LMX1A: variants seen among roughly 807,000 people sequenced by gnomAD.
LMX1A encodes the protein LIM homeobox transcription factor 1 alpha.
LMX1A carries 15 observed loss-of-function variants against 49.1 expected under a neutral mutation model. That is an observed-to-expected ratio of 0.31 (90% CI 0.20 to 0.47). LMX1A has a LOEUF of 0.47. Ranked by LOEUF, LMX1A falls within the 20% of genes least tolerant of loss-of-function variation. The pLI is 1.00. For missense variants in LMX1A, 372 were observed against 475.8 expected, an observed-to-expected ratio of 0.78 and a Z score of 2.03; for synonymous variants, 167 against 185.7, an observed-to-expected ratio of 0.90 and a Z score of 0.82.
chr1:165,251,334 C>T (rs1255551188), intron 3 of LMX1A, among the ~76,000 whole-genome samples: 1 of 152,168 alleles, frequency 6.6e-6, no homozygotes, highest in African/African-American at 2.4e-5. Context: ...CCTCCCACCT[C>T]GGCCTCCCAA....
chr1:165,317,301 G>A (rs1019439045), intron 3 of LMX1A, among the ~76,000 whole-genome samples: 1 of 152,148 alleles, frequency 6.6e-6, no homozygotes, highest in Non-Finnish European at 1.5e-5. Flanking sequence ...TTCCAACTAT[G>A]GGATACATGG....
chr1:165,240,139 A>G (rs991095031), intron 4 of LMX1A, among the ~76,000 whole-genome samples: 1 of 152,246 alleles, frequency 6.6e-6, no homozygotes, highest in African/African-American at 2.4e-5. Flanking sequence ...GTTGAAACTT[A>G]TATACACACC....
intron 3 of LMX1A, among the ~76,000 whole-genome samples, chr1:165,252,247 C>G (rs1325056789): frequency 1.3e-5 from 2 of 152,190 alleles, no homozygotes; most frequent in Non-Finnish European, 2.9e-5. Flanking sequence ...TTTGTTCACC[C>G]TCTTTCTGAA....
chr1:165,282,358 A>C (rs1008569988), intron 3 of LMX1A, among the ~76,000 whole-genome samples: 3 of 152,166 alleles, frequency 2.0e-5, no homozygotes, highest in Non-Finnish European at 2.9e-5. Flanking sequence ...CTCTGATATA[A>C]AATGTAGTAT....
At chr1:165,319,019 ACACACACACACACACACACACACC>A (rs1450278986) in intron 3 of LMX1A, among the ~76,000 whole-genome samples, 3 of 135,372 alleles carry the variant, frequency 2.2e-5, no homozygotes, top group Admixed American at 7.2e-5. Flanking sequence ...ACACACACAC[ACACACACACACACACACACACACC>A]CCAACTTCTT....
intron 3 of LMX1A, among the ~76,000 whole-genome samples, chr1:165,319,065 G>C (rs1290127755): frequency 4.0e-5 from 6 of 148,818 alleles, no homozygotes; most frequent in African/African-American, 1.5e-4. Context: ...GTAGGAACTA[G>C]ACATTCCTTA....
intron 4 of LMX1A, among the ~76,000 whole-genome samples, chr1:165,222,617 C>A (rs1651889738): frequency 6.6e-6 from 1 of 152,210 alleles, no homozygotes; most frequent in Non-Finnish European, 1.5e-5. Flanking sequence ...GGTAAGTTGA[C>A]TAACACTCAA....
Position 165,305,181 on chromosome 1 carries a change from G to A in LMX1A, c.263+47895C>T, listed in dbSNP as rs114084114. 6.1e-3 allele frequency among the ~76,000 whole-genome samples: 934 copies of A among 152,278 alleles called. 9 individuals are homozygous for A. The highest frequency in any genetic ancestry group is 0.021 in the African/African-American group (888 of 41,546). ...ACACAGAAAGGAAGGTGAGAGACAT[G>A]TGCAGTTGGACTAGTCAACAGGTAG... is the stretch of plus-strand genomic sequence containing the variant. On this transcript the variant is annotated intron_variant, in intron 3 of 8. Coordinates refer to ENST00000342310, the MANE Select transcript of LMX1A (RefSeq NM_177398.4).
intron 3 of LMX1A, among the ~76,000 whole-genome samples, chr1:165,268,224 C>T (rs1557868589): frequency 6.6e-6 from 1 of 152,182 alleles, no homozygotes; most frequent in Non-Finnish European, 1.5e-5. Flanking sequence ...AAAGTCTGGA[C>T]CACTCTGGAT....
In LMX1A at chr1:165,355,491, CGAG is replaced by C. The variant is rs774289000; in HGVS notation, c.66_68del (p.Ser23del). The stretch of plus-strand genomic sequence containing the variant: ...CACGGCCTGAACACTCACCCAGCAG[CGAG>C]GAGAAGGAGGCCGAGGTGTCGATCG... On this transcript the variant is annotated inframe_deletion, in exon 2 of 9. Transcript: ENST00000342310. This position sits in a 1 kb window ranked among gnomAD's most constrained non-coding sequence, Gnocchi z 4.7. 5.6e-6 allele frequency: 9 copies of C among 1,613,812 alleles called. No individual in the cohort carries two copies. Among genetic ancestry groups the C allele is most frequent in the Admixed American group, 5.0e-5 (3 of 59,976 alleles).
intron 8 of LMX1A, among the ~76,000 whole-genome samples, chr1:165,204,787 C>CA (rs556966760): frequency 5.7e-4 from 87 of 152,052 alleles, no homozygotes; most frequent in African/African-American, 2.0e-3. Flanking sequence ...AAAGAATTTG[C>CA]AAAAAAATGT....
At chr1:165,290,133 C>T (rs1279842736) in intron 3 of LMX1A, among the ~76,000 whole-genome samples, 15 of 152,174 alleles carry the variant, frequency 9.9e-5, no homozygotes. Context: ...ACATCTGGCT[C>T]CCCTATTCAT....
intron 3 of LMX1A, among the ~76,000 whole-genome samples, chr1:165,304,681 A>G (rs1557878775): frequency 6.6e-6 from 1 of 152,180 alleles, no homozygotes; most frequent in Non-Finnish European, 1.5e-5. Flanking sequence ...ATGATATCCA[A>G]GGATCTCCAT....
At chr1:165,248,891 A>G (rs1424415497) in intron 4 of LMX1A, among the ~76,000 whole-genome samples, 2 of 152,186 alleles carry the variant, frequency 1.3e-5, no homozygotes, top group East Asian at 1.9e-4. Flanking sequence ...GCTTTGGCCC[A>G]TGGAATATTA....
chr1:165,291,934 CGCT>C (rs1654480029), intron 3 of LMX1A, among the ~76,000 whole-genome samples: 1 of 151,770 alleles, frequency 6.6e-6, no homozygotes, highest in South Asian at 2.1e-4. Context: ...TGGTGGCGCG[CGCT>C]TGTAGTCCCA....
chr1:165,341,538 G>A (rs1656075457), intron 3 of LMX1A, among the ~76,000 whole-genome samples: 1 of 151,816 alleles, frequency 6.6e-6, no homozygotes, highest in Admixed American at 6.6e-5. Flanking sequence ...AACAAGAAGT[G>A]TCTTCCTTCA....
At chr1:165,316,951 G>A (rs1655247917) in intron 3 of LMX1A, among the ~76,000 whole-genome samples, 1 of 152,200 alleles carries the variant, frequency 6.6e-6, no homozygotes, top group Non-Finnish European at 1.5e-5. Context: ...CAGTGAGAAT[G>A]AGTTTAGAAA....
intron 3 of LMX1A, 36 bp downstream of exon 3, chr1:165,353,040 G>T: frequency 6.2e-7 from 1 of 1,606,684 alleles, no homozygotes; most frequent in East Asian, 2.2e-5. Context: ...ACTGATGCCA[G>T]TGCGCGGGGA....
intron 3 of LMX1A, among the ~76,000 whole-genome samples, chr1:165,341,525 C>G (rs1557890325): frequency 6.6e-6 from 1 of 151,552 alleles, no homozygotes; most frequent in African/African-American, 2.4e-5. Context: ...AAAACAAAAC[C>G]AAAACAAGAA....
Sources: gnomAD v4.1 joint callset for allele counts (sites outside exome capture counted in the v4.1 genomes callset) on GRCh38, gnomAD v4.1.1 for gene constraint, Gnocchi (gnomAD v3.1) non-coding constraint, MANE v1.5 for transcripts, NCBI Gene and HGNC (gene_info 2026-07-23, HGNC 2026-07-21) for gene names.